ADAM28: variants seen among roughly 807,000 people sequenced by gnomAD.
The protein encoded by ADAM28 is disintegrin and metalloproteinase domain-containing protein 28.
A neutral mutation model predicts 101.2 loss-of-function variants in ADAM28; 105 were observed. The ratio of observed to expected loss-of-function variants is 1.04; its 90% CI spans 0.89 to 1.22. The LOEUF (loss-of-function observed/expected upper bound fraction) is 1.22, where lower values mean the gene tolerates loss of function less well. ADAM28 is among the 50% of genes most tolerant of loss of function. ADAM28 has a pLI of 0.00. For missense variants in ADAM28, 1,028 were observed against 945.4 expected (o/e 1.09, Z -1.15); for synonymous variants, 322 against 310.6 (o/e 1.04, Z -0.39).
At chr8:24,308,527 A>G (rs1585540606) in intron 2 of ADAM28, 1 of 426,396 alleles carries the variant, frequency 2.3e-6, no homozygotes, top group Non-Finnish European at 4.7e-6. Flanking sequence ...GTAGAAGACC[A>G]TATTTGGTAT....
At chr8:24,352,149 C>A in intron 21 of ADAM28, 97 bp downstream of exon 21, 9 of 1,047,114 alleles carry the variant, frequency 8.6e-6, no homozygotes, top group African/African-American at 1.6e-5. Flanking sequence ...TTCTTCAGGA[C>A]AATATTGAAA....
intron 6 of ADAM28, among the ~76,000 whole-genome samples, chr8:24,315,462 A>G (rs1255966045): frequency 1.3e-5 from 2 of 152,058 alleles, no homozygotes; most frequent in African/African-American, 4.8e-5. Flanking sequence ...AGGTTGAATC[A>G]GAAAGAAGTA....
At chr8:24,295,115 T>C (rs180993682) in intron 1 of ADAM28, among the ~76,000 whole-genome samples, 1 of 152,336 alleles carries the variant, frequency 6.6e-6, no homozygotes, top group East Asian at 1.9e-4. Context: ...TAGTACTTTG[T>C]TGCTAAAAAT....
intron 10 of ADAM28, among the ~76,000 whole-genome samples, chr8:24,329,553 A>C (rs965770818): frequency 6.6e-5 from 10 of 152,120 alleles, no homozygotes; most frequent in African/African-American, 2.4e-4. Flanking sequence ...TACTCTTGGC[A>C]ATTATGGAAT....
intron 6 of ADAM28, among the ~76,000 whole-genome samples, chr8:24,316,179 A>G (rs190131836): frequency 2.0e-5 from 3 of 152,004 alleles, no homozygotes; most frequent in East Asian, 1.9e-4. Flanking sequence ...TAAACATTCT[A>G]TAGCAGCTAG....
intron 19 of ADAM28, among the ~76,000 whole-genome samples, 190 bp downstream of exon 19, chr8:24,350,162 GTT>G (rs966567556): frequency 6.6e-6 from 1 of 152,096 alleles, no homozygotes; most frequent in Non-Finnish European, 1.5e-5. Flanking sequence ...ATCTAGAAAT[GTT>G]TTTTGTTTTT....
intron 7 of ADAM28, 139 bp from the exon 8 acceptor site, chr8:24,321,079 A>G: frequency 1.7e-6 from 1 of 585,418 alleles, no homozygotes; most frequent in East Asian, 3.0e-5. Flanking sequence ...AATTAATTTG[A>G]TTCTAACTTT....
chr8:24,329,687 A>T (rs1813077918), intron 10 of ADAM28, among the ~76,000 whole-genome samples: 1 of 152,122 alleles, frequency 6.6e-6, no homozygotes, highest in Non-Finnish European at 1.5e-5. Context: ...CACTTAAAAA[A>T]AAGTTCTGAT....
chr8:24,313,658 A>C, intron 6 of ADAM28, 78 bp downstream of exon 6: 1 of 1,440,038 alleles, frequency 6.9e-7, no homozygotes, highest in Non-Finnish European at 9.5e-7. Context: ...CAATTTACTG[A>C]AACTATAGTC....
intron 9 of ADAM28, among the ~76,000 whole-genome samples, chr8:24,324,290 C>T (rs1812266979): frequency 6.6e-6 from 1 of 151,800 alleles, no homozygotes; most frequent in Non-Finnish European, 1.5e-5. Flanking sequence ...TTTAAAAAAA[C>T]AACTGATTGG....
In ADAM28 at chr8:24,347,499, T is replaced by A. The variant is rs560224465; in HGVS notation, c.1991-2365T>A. Among the ~76,000 whole-genome samples the A allele has an allele frequency of 4.1e-4, 63 of 152,260 alleles. 1 individual carries two copies. Among genetic ancestry groups the A allele is most frequent in the Admixed American group, 3.2e-3 (49 of 15,274 alleles). Reference sequence around the variant, plus strand: ...GTGATATTGGACTGTGATTTTTTCATATACGTGTTCTGTAGTATTCTCCAG... The same window carrying A: ...GTGATATTGGACTGTGATTTTTTCAAATACGTGTTCTGTAGTATTCTCCAG... On this transcript the variant is annotated intron_variant, in intron 18 of 22. Transcript: ENST00000265769.
chr8:24,320,776 C>CTGTG, intron 7 of ADAM28, among the ~76,000 whole-genome samples: 1 of 151,936 alleles, frequency 6.6e-6, no homozygotes, highest in Non-Finnish European at 1.5e-5. Flanking sequence ...TTTTCATATA[C>CTGTG]TGTGTTTTCA....
chr8:24,342,878 T>C (rs1411494106), intron 16 of ADAM28: 3 of 725,768 alleles, frequency 4.1e-6, no homozygotes, highest in Non-Finnish European at 6.2e-6. Context: ...GTTTGGATTT[T>C]TAAAAATACA....
At chr8:24,306,971 T>C in intron 2 of ADAM28, among the ~76,000 whole-genome samples, 1 of 152,316 alleles carries the variant, frequency 6.6e-6, no homozygotes, top group South Asian at 2.1e-4. Context: ...GTGACATCTT[T>C]GTTTGCCACA....
At chr8:24,331,030 CAGTGG>C (rs2129307711) in intron 11 of ADAM28, 115 bp from the exon 12 acceptor site, 1 of 943,280 alleles carries the variant, frequency 1.1e-6, no homozygotes, top group African/African-American at 1.7e-5. Flanking sequence ...GGCAGTTGGT[CAGTGG>C]ATTGGATTTT....
chr8:24,317,367 G>A (rs1010404629), intron 6 of ADAM28, among the ~76,000 whole-genome samples: 2 of 151,800 alleles, frequency 1.3e-5, no homozygotes, highest in Admixed American at 6.6e-5. Flanking sequence ...TAGCAATCTC[G>A]GAAATAAATC....
chr8:24,343,663 C>T (rs2129330401), intron 18 of ADAM28, 79 bp downstream of exon 18: 1 of 1,276,140 alleles, frequency 7.8e-7, no homozygotes. Flanking sequence ...TGAGATTTCA[C>T]TGCTTCTTTT....
intron 14 of ADAM28, 23 bp downstream of exon 14, chr8:24,335,664 C>A: frequency 6.4e-7 from 1 of 1,564,492 alleles, no homozygotes; most frequent in East Asian, 2.3e-5. Flanking sequence ...ATCCTTTCCC[C>A]TGTGCATGTG....
At chr8:24,353,633 T>G (rs1816427838) in intron 21 of ADAM28, 137 bp from the exon 22 acceptor site, 1 of 667,966 alleles carries the variant, frequency 1.5e-6, no homozygotes, top group Non-Finnish European at 2.6e-6. Context: ...GAATTTGAAC[T>G]GGACCTTGAA....
Sources: gnomAD v4.1 joint callset for allele counts (sites outside exome capture counted in the v4.1 genomes callset) on GRCh38, gnomAD v4.1.1 for gene constraint, MANE v1.5 for transcripts, NCBI Gene and HGNC (gene_info 2026-07-23, HGNC 2026-07-21) for gene names.